Variants in TBC1D13 observed in about 807,000 individuals in gnomAD.
The protein encoded by TBC1D13 is epididymis secretory sperm binding protein.
Under a neutral mutation model 53.6 loss-of-function variants are expected in TBC1D13, and 40 were observed. The observed-to-expected ratio is 0.75, with a 90% CI of 0.58 to 0.97. The LOEUF (loss-of-function observed/expected upper bound fraction) is 0.97. Ranked by LOEUF, TBC1D13 falls within the 50% of genes least tolerant of loss-of-function variation. The pLI is 0.00. For synonymous variants in TBC1D13, 182 were observed against 197.7 expected (o/e 0.92, Z 0.67); for missense variants, 377 against 499.4 (o/e 0.75, Z 2.34).
chr9:128,798,938 T>C (rs1355670503), intron 7 of TBC1D13, among the ~76,000 whole-genome samples: 1 of 152,208 alleles, frequency 6.6e-6, no homozygotes, highest in African/African-American at 2.4e-5. Flanking sequence ...GGTTTTGAAC[T>C]CCTGAGCTTA....
At chr9:128,802,969 A>G (rs1157360222) in intron 7 of TBC1D13, among the ~76,000 whole-genome samples, 2 of 152,128 alleles carry the variant, frequency 1.3e-5, no homozygotes, top group African/African-American at 4.8e-5. Flanking sequence ...TCTTAGGCTC[A>G]AGTGATCCTC....
intron 2 of TBC1D13, among the ~76,000 whole-genome samples, chr9:128,788,777 G>A (rs1237892841): frequency 6.6e-6 from 1 of 152,156 alleles, no homozygotes; most frequent in South Asian, 2.1e-4. Flanking sequence ...AGCTTCCTGT[G>A]TTGGTGAGTT....
chr9:128,807,757 G>A, intron 11 of TBC1D13, 57 bp from the exon 12 acceptor site: 1 of 1,567,568 alleles, frequency 6.4e-7, no homozygotes, highest in South Asian at 1.1e-5. Flanking sequence ...GGAGGGTGTG[G>A]GTGTGGCAGG....
At chr9:128,794,821 G>A (rs538670839) in intron 6 of TBC1D13, among the ~76,000 whole-genome samples, 6 of 151,684 alleles carry the variant, frequency 4.0e-5, no homozygotes, top group East Asian at 1.9e-4. Context: ...TTCTAGAAGC[G>A]TGTTTGCAAT....
intron 5 of TBC1D13, 144 bp downstream of exon 5, chr9:128,791,837 G>T: frequency 1.5e-6 from 1 of 680,912 alleles, no homozygotes; most frequent in Non-Finnish European, 2.6e-6. Flanking sequence ...TCCTTTCTGC[G>T]TTGGGTCACT....
At chr9:128,801,755 T>G (rs1829737793) in intron 7 of TBC1D13, among the ~76,000 whole-genome samples, 1 of 122,648 alleles carries the variant, frequency 8.2e-6, no homozygotes, top group Admixed American at 7.2e-5. Flanking sequence ...ATTTTTTTGT[T>G]TTTTGTTTTT....
At chr9:128,803,517 C>T in intron 8 of TBC1D13, 57 bp downstream of exon 8, 1 of 1,523,898 alleles carries the variant, frequency 6.6e-7, no homozygotes, top group Non-Finnish European at 9.1e-7. Context: ...AGGCTGTGCA[C>T]CTCACTTTCC....
At chr9:128,787,669 C>A (rs1437405621) in intron 1 of TBC1D13, among the ~76,000 whole-genome samples, 3 of 130,532 alleles carry the variant, frequency 2.3e-5, no homozygotes. Flanking sequence ...CCGTGCCTTT[C>A]CCCCTTTTGA....
intron 9 of TBC1D13, among the ~76,000 whole-genome samples, chr9:128,805,346 G>A (rs1038822399): frequency 2.0e-5 from 3 of 152,042 alleles, no homozygotes; most frequent in Non-Finnish European, 4.4e-5. Flanking sequence ...AAAAAAGGAA[G>A]TATGCTTTTG....
intron 7 of TBC1D13, among the ~76,000 whole-genome samples, chr9:128,799,342 G>A (rs1829692638): frequency 6.6e-6 from 1 of 152,198 alleles, no homozygotes; most frequent in African/African-American, 2.4e-5. Context: ...TGGGCAGTTT[G>A]AGTTAAAGAC....
Position 128,787,319 on chromosome 9 carries a change from G to A in TBC1D13, c.-35G>A, listed in dbSNP as rs1305960214. 1 of 1,256,336 alleles carries A rather than the reference G, an allele frequency of 8.0e-7. No individual in the cohort carries two copies. The highest frequency in any genetic ancestry group is 1.0e-6 in the Non-Finnish European group (1 of 994,592). 77.8% of individuals were successfully genotyped at this position (1,256,336 alleles called of 1,614,324 possible). The stretch of plus-strand genomic sequence containing the variant: ...CAGCGCAGGCGGCAGAGGCGCAGGC[G>A]GCGGAGGCGGCTGGGGGGTCCGGAA... On this transcript the variant is annotated 5_prime_UTR_variant, in exon 1 of 12. Transcript: ENST00000372648.
At chr9:128,802,737 AT>A (rs34161473) in intron 7 of TBC1D13, among the ~76,000 whole-genome samples, 42,377 of 137,164 alleles carry the variant, frequency 0.31, 6,580 homozygotes, top group African/African-American at 0.45. Flanking sequence ...CACATTGTCC[AT>A]TTTTTTTTTT....
chr9:128,794,886 A>G (rs1340599330), intron 6 of TBC1D13, among the ~76,000 whole-genome samples: 6 of 151,626 alleles, frequency 4.0e-5, no homozygotes, highest in Non-Finnish European at 8.8e-5. Context: ...CATATATTTT[A>G]AAAACTTGAT....
In TBC1D13 at chr9:128,803,409, G is replaced by T. The variant is rs762708176; in HGVS notation, c.703G>T (p.Val235Leu). 4 of 1,614,170 alleles carry T rather than the reference G, an allele frequency of 2.5e-6. No individual in the cohort carries two copies. Among genetic ancestry groups the T allele is most frequent in the East Asian group, 2.2e-5 (1 of 44,884 alleles). Residue 235 changes from valine (V) to leucine (L), a missense_variant, in exon 8 of 12, where the codon GTG becomes TTG. Val to Leu is a conservative substitution (Grantham distance 32). Transcript: ENST00000372648. ...IAYVQGMNEI[V>L]GPLYYTFATD... is the part of the protein sequence containing the mutation. ...TTATGTGCAAGGCATGAATGAAATCGTGGGGCCCCTCTACTACACCTTTGC... is the reference window on the plus strand; with the variant it reads ...TTATGTGCAAGGCATGAATGAAATCTTGGGGCCCCTCTACTACACCTTTGC...
intron 2 of TBC1D13, chr9:128,789,812 T>TATATATGTGTATGTATAA (rs11269563): frequency 3.0e-5 from 4 of 132,402 alleles, no homozygotes; most frequent in South Asian, 2.4e-4. Context: ...TATATATATA[T>TATATATGTGTATGTATAA]AATAATTCCA....
intron 7 of TBC1D13, among the ~76,000 whole-genome samples, chr9:128,798,178 G>A (rs895290839): frequency 2.4e-4 from 36 of 152,170 alleles, no homozygotes; most frequent in African/African-American, 7.7e-4. Context: ...GCTCGAACCC[G>A]GGAGGTGGAG....
intron 7 of TBC1D13, among the ~76,000 whole-genome samples, chr9:128,801,862 T>C (rs1039034384): frequency 4.8e-5 from 7 of 147,118 alleles, no homozygotes; most frequent in Non-Finnish European, 1.1e-4. Flanking sequence ...CCTGGGTTCA[T>C]GCCATTCTCC....
At chr9:128,798,524 G>A (rs1829676479) in intron 7 of TBC1D13, among the ~76,000 whole-genome samples, 1 of 152,172 alleles carries the variant, frequency 6.6e-6, no homozygotes, top group African/African-American at 2.4e-5. Context: ...ATACAGGAGT[G>A]GCGGTAGAGA....
At chr9:128,800,441 G>T (rs1348998583) in intron 7 of TBC1D13, among the ~76,000 whole-genome samples, 3 of 139,384 alleles carry the variant, frequency 2.2e-5, no homozygotes, top group Non-Finnish European at 4.5e-5. Flanking sequence ...CACAATCTTG[G>T]CGCTCTGCAA....
Sources: allele counts gnomAD v4.1 joint callset (sites outside exome capture counted in the v4.1 genomes callset), GRCh38; gene constraint gnomAD v4.1.1; transcripts MANE v1.5; gene names NCBI Gene and HGNC (gene_info 2026-07-23, HGNC 2026-07-21).